RAD51AP1: variants seen among roughly 807,000 people sequenced by gnomAD.
RAD51AP1 encodes RAD51-associated protein 1.
A neutral mutation model predicts 34.3 loss-of-function variants in RAD51AP1; 14 were observed. The ratio of observed to expected loss-of-function variants is 0.41; its 90% confidence interval spans 0.27 to 0.64. RAD51AP1 has a LOEUF of 0.64. Ranked by LOEUF, RAD51AP1 falls within the 30% of genes least tolerant of loss-of-function variation. The pLI is 0.33. For synonymous variants in RAD51AP1, 114 were observed against 129.8 expected (o/e 0.88, Z 0.83); for missense variants, 348 against 386.9 (o/e 0.90, Z 0.84).
chr12:4,541,250 G>GA (rs1485461165), intron 1 of RAD51AP1, among the ~76,000 whole-genome samples: 2 of 152,108 alleles, frequency 1.3e-5, no homozygotes, highest in African/African-American at 2.4e-5. Context: ...TCCAAAATCT[G>GA]AAAAAATCCA....
Position 4,559,561 on chromosome 12 carries a change from A to G in RAD51AP1, c.*568A>G, listed in dbSNP as rs765381493. ...AGATGGTTATTCTCTAGAAAATAGT[A>G]TTTAAAGACATTTTATGAAATCTTC... On this transcript the variant is annotated 3_prime_UTR_variant, in exon 9 of 9. Coordinates refer to ENST00000352618, the MANE Select transcript of RAD51AP1 (RefSeq NM_006479.5). The G allele has an allele frequency of 6.6e-6, 1 of 152,236 alleles. No homozygotes were observed. Among genetic ancestry groups the G allele is most frequent in the Non-Finnish European group, 1.5e-5 (1 of 68,040 alleles). The allele number at this position is 152,236 out of a possible 1,614,324, so 9.4% of individuals were successfully genotyped here. A position where few individuals can be genotyped will look rare whatever the true frequency, so the allele number is the denominator to read the frequency against.
chr12:4,555,966 TACTC>T (rs1320873816), intron 7 of RAD51AP1, among the ~76,000 whole-genome samples: 1 of 152,206 alleles, frequency 6.6e-6, no homozygotes, highest in Non-Finnish European at 1.5e-5. Flanking sequence ...CACTGACACA[TACTC>T]ACGAGACACT....
chr12:4,545,777 T>C (rs1944501567), intron 3 of RAD51AP1: 1 of 1,608,100 alleles, frequency 6.2e-7, no homozygotes, highest in South Asian at 1.1e-5. Flanking sequence ...CTCCTTTAAT[T>C]GCAGACTCCC....
intron 2 of RAD51AP1, among the ~76,000 whole-genome samples, chr12:4,542,994 T>C (rs1158058770): frequency 6.6e-6 from 1 of 152,204 alleles, no homozygotes; most frequent in Non-Finnish European, 1.5e-5. Context: ...TAGGAGCTAC[T>C]TTCTCTTCCC....
intron 3 of RAD51AP1, 130 bp from the exon 4 acceptor site, chr12:4,546,179 G>C (rs1944504962): frequency 3.1e-6 from 2 of 655,320 alleles, no homozygotes; most frequent in Admixed American, 5.8e-5. Flanking sequence ...GTCTATTAAT[G>C]ATGATTGTTT....
chr12:4,539,434 C>T (rs959436838), intron 1 of RAD51AP1, among the ~76,000 whole-genome samples: 1 of 152,108 alleles, frequency 6.6e-6, no homozygotes, highest in Non-Finnish European at 1.5e-5. Flanking sequence ...GTATTAGAAA[C>T]GATTCTTCTA....
chr12:4,543,819 G>A lies in RAD51AP1; in HGVS notation c.124G>A (p.Glu42Lys). Residue 42 changes from glutamate (E) to lysine (K), a missense_variant, in exon 3 of 9, where the codon GAG becomes AAG. By Grantham distance (56) the Glu-to-Lys change is moderately conservative. Coordinates refer to ENST00000352618, the MANE Select transcript of RAD51AP1 (RefSeq NM_006479.5). ...LNKKSRTAPKELKQDKPKPNL... is the reference protein window; with the variant it reads ...LNKKSRTAPKKLKQDKPKPNL... ...CAAGAAATCCAGAACAGCACCAAAG[G>A]AGTTAAAACAAGATAAACCAAAACC... The A allele has an allele frequency of 6.2e-7, 1 of 1,612,234 alleles. No homozygotes were observed. The highest frequency in any genetic ancestry group is 8.5e-7 in the Non-Finnish European group (1 of 1,178,670).
In RAD51AP1 at chr12:4,556,318, A is replaced by G. The variant is rs778100034; in HGVS notation, c.722-35A>G. ...TGCTAGACTTACTTTTTCTTCCTGCATGACAAACATTTTTACGTATATTTT... is the reference window on the plus strand; with the variant it reads ...TGCTAGACTTACTTTTTCTTCCTGCGTGACAAACATTTTTACGTATATTTT... On this transcript the variant is annotated intron_variant, in intron 7 of 8. Coordinates refer to ENST00000352618, the MANE Select transcript of RAD51AP1 (RefSeq NM_006479.5). The G allele has an allele frequency of 6.6e-6, 10 of 1,522,336 alleles. No individual in the cohort carries two copies. The Admixed American group carries it at 1.3e-4, about 19-fold the overall frequency. The allele number at this position is 1,522,336 out of a possible 1,614,324, so 94.3% of individuals were successfully genotyped here. A position where few individuals can be genotyped will look rare whatever the true frequency, so the allele number is the denominator to read the frequency against.
intron 7 of RAD51AP1, among the ~76,000 whole-genome samples, chr12:4,554,047 GTT>G (rs11435226): frequency 6.7e-6 from 1 of 149,446 alleles, no homozygotes; most frequent in Non-Finnish European, 1.5e-5. Flanking sequence ...TAATTAGAGT[GTT>G]TTTTTTTTAA....
Position 4,559,187 on chromosome 12 carries a change from A to C in RAD51AP1, c.*194A>C. Reference sequence around the variant, plus strand: ...CAAGACTTCAATGAGAAGTTTGTTTATAAGAATTATCTTCTCATACCTTTC... The same window carrying C: ...CAAGACTTCAATGAGAAGTTTGTTTCTAAGAATTATCTTCTCATACCTTTC... On this transcript the variant is annotated 3_prime_UTR_variant, in exon 9 of 9. Transcript: ENST00000352618. 1.7e-6 allele frequency: 1 copy of C among 595,200 alleles called. No homozygotes were observed. Among genetic ancestry groups the C allele is most frequent in the South Asian group, 2.6e-5 (1 of 38,680 alleles). 36.9% of individuals were successfully genotyped at this position (595,200 alleles called of 1,614,324 possible).
chr12:4,543,618 G>A, intron 2 of RAD51AP1, 145 bp from the exon 3 acceptor site: 1 of 551,574 alleles, frequency 1.8e-6, no homozygotes, highest in Non-Finnish European at 3.0e-6. Flanking sequence ...TGAGAGTAAA[G>A]ATAAACAAAA....
intron 7 of RAD51AP1, among the ~76,000 whole-genome samples, chr12:4,555,902 A>G (rs1157995312): frequency 1.3e-5 from 2 of 152,156 alleles, no homozygotes; most frequent in African/African-American, 4.8e-5. Context: ...CTAAACCTTA[A>G]AGTCCTTGGG....
intron 4 of RAD51AP1, among the ~76,000 whole-genome samples, chr12:4,547,261 A>G (rs61064582): frequency 0.023 from 3,441 of 152,022 alleles, 103 homozygotes; most frequent in African/African-American, 0.078. Flanking sequence ...GAGGGGTCTC[A>G]CTATGTTGCG....
intron 1 of RAD51AP1, among the ~76,000 whole-genome samples, chr12:4,541,150 T>C (rs1047110345): frequency 3.3e-5 from 5 of 152,192 alleles, no homozygotes; most frequent in Admixed American, 2.6e-4. Flanking sequence ...AGTACCTACA[T>C]GGCACTCAAA....
At chr12:4,544,734 A>G (rs1944494017) in intron 3 of RAD51AP1, among the ~76,000 whole-genome samples, 1 of 152,214 alleles carries the variant, frequency 6.6e-6, no homozygotes, top group Non-Finnish European at 1.5e-5. Context: ...GTAAAACTCA[A>G]CAGTAAAAAG....
In RAD51AP1 at chr12:4,548,700, T is replaced by G; in HGVS notation, c.420T>G (p.Ile140Met). 2 of 1,613,436 alleles carry G rather than the reference T, an allele frequency of 1.2e-6. No individual in the cohort carries two copies. Among genetic ancestry groups the G allele is most frequent in the Admixed American group, 1.7e-5 (1 of 59,828 alleles). ...VASDYLDLDK[I>M]TVEDDVGGVQ... ...CCTCTCCTGAAGATTTGGATAAGAT[T>G]ACTGTGGAAGATGATGTTGGTGGTG... The change falls in exon 6 of 9, where the codon ATT becomes ATG. Residue 140 changes from isoleucine (I) to methionine (M), a missense_variant. Coordinates refer to ENST00000352618, the MANE Select transcript of RAD51AP1 (RefSeq NM_006479.5).
intron 4 of RAD51AP1, 35 bp from the exon 5 acceptor site, chr12:4,548,057 A>G (rs1944518799): frequency 6.4e-7 from 1 of 1,559,958 alleles, no homozygotes; most frequent in East Asian, 2.3e-5. Context: ...TGATTAAGAT[A>G]TATCTGAATT....
chr12:4,550,207 A>G (rs1200264558), intron 6 of RAD51AP1, among the ~76,000 whole-genome samples: 1 of 152,166 alleles, frequency 6.6e-6, no homozygotes, highest in Non-Finnish European at 1.5e-5. Flanking sequence ...TGCTTTCTCA[A>G]TTGACTGACG....
intron 1 of RAD51AP1, among the ~76,000 whole-genome samples, chr12:4,540,654 A>T (rs928392494): frequency 6.6e-6 from 1 of 152,222 alleles, no homozygotes; most frequent in African/African-American, 2.4e-5. Flanking sequence ...ACTAATTAAA[A>T]ATAGGCTATT....
Sources: allele counts gnomAD v4.1 joint callset (sites outside exome capture counted in the v4.1 genomes callset), GRCh38; gene constraint gnomAD v4.1.1; transcripts MANE v1.5; gene names NCBI Gene and HGNC (gene_info 2026-07-23, HGNC 2026-07-21).